CNTNAP3B: variants seen among roughly 807,000 people sequenced by gnomAD.
The protein encoded by CNTNAP3B is contactin associated protein family member 3B.
In CNTNAP3B, 25 loss-of-function variants were observed where a neutral mutation model predicts 108.9. The observed-to-expected ratio is 0.23, with a 90% CI of 0.17 to 0.32. CNTNAP3B has a LOEUF of 0.32. Among genes scored for constraint, CNTNAP3B ranks in the 10% least tolerant of loss-of-function variants. The probability of loss-of-function intolerance (pLI) is 1.00; values close to 1 mark genes in which losing one functional copy is unlikely to be tolerated. For synonymous variants in CNTNAP3B, 103 were observed against 473.4 expected (o/e 0.22, Z 10.16); for missense variants, 252 against 1,210.4 (o/e 0.21, Z 11.75).
intron 13 of CNTNAP3B, among the ~76,000 whole-genome samples, chr9:41,948,663 C>T (rs1029158815): frequency 6.6e-6 from 1 of 151,648 alleles, no homozygotes; most frequent in African/African-American, 2.4e-5. Context: ...ATGGGAGTTG[C>T]TCTAGTTATG....
intron 3 of CNTNAP3B, among the ~76,000 whole-genome samples, chr9:42,076,583 A>C (rs1270181540): frequency 1.7e-5 from 2 of 119,816 alleles, no homozygotes; most frequent in African/African-American, 7.1e-5. Flanking sequence ...CAAAAATATC[A>C]GATCAAATCA....
rs931880693 is a variant in CNTNAP3B at position 42,021,783 on chromosome 9, G to T, written c.391-8258C>A. 9.1e-5 allele frequency among the ~76,000 whole-genome samples: 12 copies of T among 131,800 alleles called. 1 individual carries two copies. Among genetic ancestry groups the T allele is most frequent in the African/African-American group, 3.1e-4 (10 of 32,054 alleles). The allele number at this position is 131,800 out of a possible 152,430, so 86.5% of individuals were successfully genotyped here. On this transcript the variant is annotated intron_variant, in intron 3 of 23. Transcript: ENST00000377561. Reference sequence around the variant, plus strand: ...CAGCAACAACATGAGGCACATGGAAGTTCAATGTCCTAGGGTCAAAGCTGA... The same window carrying T: ...CAGCAACAACATGAGGCACATGGAATTTCAATGTCCTAGGGTCAAAGCTGA...
At chr9:41,934,088 G>A (rs1360993410) in intron 14 of CNTNAP3B, among the ~76,000 whole-genome samples, 116 of 39,184 alleles carry the variant, frequency 3.0e-3, no homozygotes, top group Middle Eastern at 0.018. Flanking sequence ...ATTTGCCTTT[G>A]CATATTTGTT....
chr9:42,124,298 C>A (rs1189357363), intron 1 of CNTNAP3B, among the ~76,000 whole-genome samples: 2 of 131,090 alleles, frequency 1.5e-5, no homozygotes, highest in East Asian at 2.4e-4. Flanking sequence ...GTAGTCATTT[C>A]ATTATAAAAT....
At chr9:41,912,067 A>AT (rs1340685781) in intron 18 of CNTNAP3B, among the ~76,000 whole-genome samples, 1 of 82,234 alleles carries the variant, frequency 1.2e-5, no homozygotes, top group Non-Finnish European at 2.5e-5. Flanking sequence ...GCCAATTTAT[A>AT]TTTTCTCCTC....
intron 14 of CNTNAP3B, 106 bp from the exon 15 acceptor site, chr9:41,929,550 A>G (rs1296996053): frequency 7.2e-7 from 1 of 1,392,134 alleles, no homozygotes; most frequent in African/African-American, 1.7e-5. Flanking sequence ...AGAGCTTAAC[A>G]GAATACTTAA....
intron 3 of CNTNAP3B, among the ~76,000 whole-genome samples, chr9:42,035,986 T>A (rs2320755): frequency 0.31 from 45,037 of 143,078 alleles, 2,137 homozygotes; most frequent in East Asian, 0.45. Flanking sequence ...CGCATGCCTG[T>A]AGTCCCAGCT....
intron 11 of CNTNAP3B, among the ~76,000 whole-genome samples, chr9:41,961,307 C>A (rs570201316): frequency 2.9e-3 from 434 of 151,482 alleles, no homozygotes; most frequent in Non-Finnish European, 4.4e-3. Context: ...TAAATGTTTT[C>A]TTTTGCTTTT....
chr9:42,084,075 G>A lies in CNTNAP3B; in HGVS notation c.197-7013C>T, dbSNP rs1245972459. Among the ~76,000 whole-genome samples the A allele has an allele frequency of 4.7e-5, 7 of 148,796 alleles. No individual in the cohort carries two copies. The East Asian group carries it at 9.8e-4, about 21-fold the overall frequency. ...TGGCCCTCACAGAAAATATCAGAAA[G>A]AGCCCTAAAGGTTAAATGACTCAGC... On this transcript the variant is annotated intron_variant, in intron 2 of 23. Coordinates refer to ENST00000377561, the MANE Select transcript of CNTNAP3B (RefSeq NM_001201380.3).
chr9:41,931,359 C>A (rs1433782196), intron 14 of CNTNAP3B, among the ~76,000 whole-genome samples: 1 of 152,142 alleles, frequency 6.6e-6, no homozygotes. Flanking sequence ...TTTGAAATAT[C>A]CAATAAATTA....
intron 14 of CNTNAP3B, among the ~76,000 whole-genome samples, chr9:41,934,130 C>CACACACACACACACAT: frequency 8.6e-6 from 1 of 116,478 alleles, no homozygotes; most frequent in African/African-American, 3.4e-5. Context: ...TATACACACA[C>CACACACACACACACAT]ATATATATAT....
At chr9:41,922,508 C>A (rs1337519564) in intron 17 of CNTNAP3B, among the ~76,000 whole-genome samples, 169 bp downstream of exon 17, 1 of 143,166 alleles carries the variant, frequency 7.0e-6, no homozygotes, top group Non-Finnish European at 1.5e-5. Context: ...AAAGAAATGT[C>A]ACATAAGAAG....
At chr9:42,030,202 G>T (rs1826487048) in intron 3 of CNTNAP3B, among the ~76,000 whole-genome samples, 1 of 73,206 alleles carries the variant, frequency 1.4e-5, no homozygotes. Context: ...GCTAAAAAAT[G>T]ATAGCCACTC....
At chr9:42,016,925 G>A (rs1826226750) in intron 3 of CNTNAP3B, among the ~76,000 whole-genome samples, 2 of 151,686 alleles carry the variant, frequency 1.3e-5, no homozygotes, top group African/African-American at 4.9e-5. Context: ...GTGTGTGTGT[G>A]TGGTGTGTTC....
At chr9:41,943,520 T>G (rs199975823) in intron 13 of CNTNAP3B, among the ~76,000 whole-genome samples, 1 of 151,912 alleles carries the variant, frequency 6.6e-6, no homozygotes, top group African/African-American at 2.4e-5. Context: ...GCCCAGCTAA[T>G]TTTTTGTATT....
Position 41,995,615 on chromosome 9 carries a change from C to T in CNTNAP3B, c.1071+590G>A, listed in dbSNP as rs1238685722. Among the ~76,000 whole-genome samples the T allele has an allele frequency of 1.7e-4, 22 of 127,704 alleles. 3 individuals carry two copies. The highest frequency in any genetic ancestry group is 3.6e-3 in the Middle Eastern group (1 of 278). The allele number at this position is 127,704 out of a possible 152,430, so 83.8% of individuals were successfully genotyped here. On this transcript the variant is annotated intron_variant, in intron 7 of 23. Coordinates refer to ENST00000377561, the MANE Select transcript of CNTNAP3B (RefSeq NM_001201380.3). ...GCATGCTGGTGGGCACCTGTAGTCC[C>T]AGGTACTCGGGAGGCTGAGGCGGGA...
intron 13 of CNTNAP3B, among the ~76,000 whole-genome samples, chr9:41,948,466 G>A (rs773568300): frequency 4.0e-3 from 601 of 149,470 alleles, no homozygotes; most frequent in Non-Finnish European, 5.5e-3. Context: ...CAGGAGACTA[G>A]AGAATGCTAC....
intron 4 of CNTNAP3B, among the ~76,000 whole-genome samples, chr9:42,013,047 C>A (rs1179745133): frequency 2.3e-5 from 2 of 88,314 alleles, no homozygotes; most frequent in Non-Finnish European, 4.5e-5. Flanking sequence ...TTCAGAAAAA[C>A]AGCATCATCT....
At chr9:41,942,603 T>C (rs1451267164) in intron 13 of CNTNAP3B, among the ~76,000 whole-genome samples, 1 of 148,724 alleles carries the variant, frequency 6.7e-6, no homozygotes, top group African/African-American at 2.5e-5. Flanking sequence ...AGAGCGAGAC[T>C]CTCTCAAAAA....
Sources: allele counts gnomAD v4.1 joint callset (sites outside exome capture counted in the v4.1 genomes callset), GRCh38; gene constraint gnomAD v4.1.1; transcripts MANE v1.5; gene names NCBI Gene and HGNC (gene_info 2026-07-23, HGNC 2026-07-21).